The following SMARCA4 variants were observed in gnomAD, a reference collection of about 807,000 sequenced individuals.
The protein encoded by SMARCA4 is SWI/SNF-related matrix-associated actin-dependent regulator of chromatin subfamily A member 4.
Under a neutral mutation model 193.9 loss-of-function variants are expected in SMARCA4, and 31 were observed. The observed-to-expected ratio is 0.16, with a 90% CI of 0.12 to 0.22. The LOEUF (loss-of-function observed/expected upper bound fraction) is 0.22. SMARCA4 is among the 10% of genes least tolerant of loss of function. The pLI is 1.00. For missense variants in SMARCA4, 1,148 were observed against 2,296.0 expected (o/e 0.50, Z 10.22); for synonymous variants, 942 against 933.1 (o/e 1.01, Z -0.17).
intron 25 of SMARCA4, among the ~76,000 whole-genome samples, chr19:11,032,860 A>G (rs1462698581): frequency 6.6e-6 from 1 of 152,164 alleles, no homozygotes; most frequent in Non-Finnish European, 1.5e-5. Context: ...TTCTGTGTGC[A>G]CTGTGAGAGT....
chr19:10,989,574 A>G (rs762561964), intron 7 of SMARCA4, 131 bp downstream of exon 7: 28 of 1,000,746 alleles, frequency 2.8e-5, no homozygotes, highest in East Asian at 1.8e-4. Context: ...GTGGCCATCC[A>G]TGGGCACTCA....
intron 18 of SMARCA4, 155 bp from the exon 19 acceptor site, chr19:11,021,570 C>T (rs1257103606): frequency 4.3e-6 from 4 of 937,168 alleles, no homozygotes; most frequent in Non-Finnish European, 6.7e-6. Flanking sequence ...CTCGGTGAGT[C>T]AGCCCCGGGG....
At chr19:10,975,336 T>G (rs1305312060) in intron 1 of SMARCA4, among the ~76,000 whole-genome samples, 2 of 145,818 alleles carry the variant, frequency 1.4e-5, no homozygotes, top group Admixed American at 1.4e-4. Flanking sequence ...TTTTTTTTTT[T>G]GAGTGTTTCT....
At chr19:11,056,851 G>A (rs2076574432) in intron 30 of SMARCA4, among the ~76,000 whole-genome samples, 1 of 152,192 alleles carries the variant, frequency 6.6e-6, no homozygotes, top group East Asian at 1.9e-4. Context: ...GTGACATCAG[G>A]ACCCCAGCAA....
chr19:10,999,888 T>C (rs778231807), intron 11 of SMARCA4, among the ~76,000 whole-genome samples: 15 of 152,198 alleles, frequency 9.9e-5, no homozygotes, highest in African/African-American at 2.4e-4. Flanking sequence ...TCAGTATTTA[T>C]AGAGTTCCTC....
At chr19:11,039,164 G>A (rs1600442520) in intron 29 of SMARCA4, among the ~76,000 whole-genome samples, 1 of 152,294 alleles carries the variant, frequency 6.6e-6, no homozygotes, top group Middle Eastern at 3.4e-3. Context: ...GACCAGCCTG[G>A]CCAACATGGC....
chr19:11,036,434 T>A (rs2075274114), intron 29 of SMARCA4, among the ~76,000 whole-genome samples: 1 of 152,130 alleles, frequency 6.6e-6, no homozygotes, highest in African/African-American at 2.4e-5. Context: ...TAATTTTAAA[T>A]TTTTTGTAAA....
chr19:10,968,365 AG>A (rs1315104482), intron 1 of SMARCA4, among the ~76,000 whole-genome samples: 1 of 152,076 alleles, frequency 6.6e-6, no homozygotes, highest in Non-Finnish European at 1.5e-5. Context: ...AAAGGGGCAT[AG>A]CTTCATTTAT....
chr19:10,984,499 G>T lies in SMARCA4; in HGVS notation c.222+126G>T. The T allele has an allele frequency of 6.6e-7, 1 of 1,508,108 alleles. No individual in the cohort carries two copies. Among genetic ancestry groups the T allele is most frequent in the Admixed American group, 2.0e-5 (1 of 50,330 alleles). 93.4% of individuals were successfully genotyped at this position (1,508,108 alleles called of 1,614,324 possible). A position where few individuals can be genotyped will look rare whatever the true frequency, so the allele number is the denominator to read the frequency against. On this transcript the variant is annotated intron_variant, in intron 2 of 34. Transcript: ENST00000344626. This position sits in a 1 kb window ranked among gnomAD's most constrained non-coding sequence, Gnocchi z 4.3. ...TTCTTGTTGGAGGTGTCCTGCCTTG[G>T]CTCAGCCCCCTACCCCAGGGCCCAC...
rs2146377935 is a variant in SMARCA4 at position 11,019,736 on chromosome 19, G to C, written c.2616+35G>C. ...CCCTGTGGGAAATGCCAGGCCATGG[G>C]CCGAGTGCTCACACGTGGGTCACGC... On this transcript the variant is annotated intron_variant, in intron 18 of 34. Transcript: ENST00000344626. This position sits in a 1 kb window ranked among gnomAD's most constrained non-coding sequence, Gnocchi z 6.1. 3 of 1,472,480 alleles carry C rather than the reference G, an allele frequency of 2.0e-6. No homozygotes were observed. The highest frequency in any genetic ancestry group is 2.8e-6 in the Non-Finnish European group (3 of 1,054,618). The allele number at this position is 1,472,480 out of a possible 1,614,324, so 91.2% of individuals were successfully genotyped here.
intron 9 of SMARCA4, chr19:10,995,253 G>A (rs1227036026): frequency 1.6e-6 from 1 of 637,522 alleles, no homozygotes; most frequent in Admixed American, 2.1e-5. Flanking sequence ...GGAAAATGGA[G>A]GTGGTGCCCC....
At chr19:11,005,643 G>C (rs990415667) in intron 13 of SMARCA4, among the ~76,000 whole-genome samples, 1 of 152,142 alleles carries the variant, frequency 6.6e-6, no homozygotes, top group Non-Finnish European at 1.5e-5. Flanking sequence ...CACTGGCTGT[G>C]GGCATTGCTT....
chr19:10,961,249 G>C (rs1315433774), intron 1 of SMARCA4, 75 bp downstream of exon 1: 2 of 149,446 alleles, frequency 1.3e-5, no homozygotes, highest in Non-Finnish European at 3.0e-5. Flanking sequence ...GGGGCGCCGA[G>C]GGGGGAGGGG....
At chr19:11,057,093 G>A (rs1213406691) in intron 30 of SMARCA4, among the ~76,000 whole-genome samples, 2 of 152,240 alleles carry the variant, frequency 1.3e-5, no homozygotes, top group African/African-American at 4.8e-5. Context: ...ATCAGGCCCC[G>A]TTGGCCACTT....
At chr19:11,057,367 G>A (rs1045671046) in intron 30 of SMARCA4, among the ~76,000 whole-genome samples, 1 of 152,192 alleles carries the variant, frequency 6.6e-6, no homozygotes, top group East Asian at 1.9e-4. Flanking sequence ...GCTGTACCGA[G>A]TGCACAAGGG....
rs533161704 is a variant in SMARCA4 at position 11,025,273 on chromosome 19, A to G, written c.3082-149A>G. On this transcript the variant is annotated intron_variant, in intron 21 of 34. Transcript: ENST00000344626. ...GGGGCCTCCGGGCCTCCAGCCTGCC[A>G]TCTCCTCACTCCCAATTGCTGTGCC... The G allele has an allele frequency of 2.6e-5, 17 of 666,148 alleles. No homozygotes were observed. The African/African-American group carries it at 2.8e-4, about 11-fold the overall frequency. The allele number at this position is 666,148 out of a possible 1,614,324, so 41.3% of individuals were successfully genotyped here. A position where few individuals can be genotyped will look rare whatever the true frequency, so the allele number is the denominator to read the frequency against.
chr19:10,979,078 C>G lies in SMARCA4; in HGVS notation c.-31-5043C>G, dbSNP rs113027256. Among the ~76,000 whole-genome samples the G allele has an allele frequency of 5.4e-3, 818 of 152,218 alleles. 14 individuals are homozygous for G. Among genetic ancestry groups the G allele is most frequent in the African/African-American group, 0.017 (701 of 41,534 alleles). ...AGAAGATGCGATTGGACATTGGCAA[C>G]ATTGTTAAAAGTTGTAAGGACTGAC... is the stretch of plus-strand genomic sequence containing the variant. On this transcript the variant is annotated intron_variant, in intron 1 of 34. Coordinates refer to ENST00000344626, the MANE Select transcript of SMARCA4 (RefSeq NM_003072.5).
At chr19:10,988,569 G>A (rs1327442046) in intron 6 of SMARCA4, among the ~76,000 whole-genome samples, 3 of 152,130 alleles carry the variant, frequency 2.0e-5, no homozygotes, top group Non-Finnish European at 4.4e-5. Flanking sequence ...TATTTAACAA[G>A]TTAGACTTGT....
At chr19:11,020,725 G>A (rs576360677) in intron 18 of SMARCA4, 1 of 152,446 alleles carries the variant, frequency 6.6e-6, no homozygotes, top group East Asian at 1.9e-4. Flanking sequence ...TCTTGACCCA[G>A]GTATGGGGGG....
Sources: allele counts gnomAD v4.1 joint callset (sites outside exome capture counted in the v4.1 genomes callset), GRCh38; gene constraint gnomAD v4.1.1; non-coding constraint Gnocchi (gnomAD v3.1); transcripts MANE v1.5; gene names NCBI Gene and HGNC (gene_info 2026-07-23, HGNC 2026-07-21).